Variants in CRACD observed in about 807,000 individuals in gnomAD.
CRACD encodes capping protein inhibiting regulator of actin dynamics, also known as capping protein-inhibiting regulator of actin dynamics.
A neutral mutation model predicts 106.8 loss-of-function variants in CRACD; 56 were observed. The observed-to-expected ratio is 0.52, with a 90% CI of 0.42 to 0.66. The LOEUF (loss-of-function observed/expected upper bound fraction) is 0.66. Ranked by LOEUF, CRACD falls within the 30% of genes least tolerant of loss-of-function variation. The pLI, the probability that CRACD is intolerant of heterozygous loss-of-function variation, is 0.00. For missense variants in CRACD, 1,730 were observed against 1,623.2 expected, an observed-to-expected ratio of 1.07 and a Z score of -1.13; for synonymous variants, 754 against 670.8, an observed-to-expected ratio of 1.12 and a Z score of -1.92.
intron 1 of CRACD, among the ~76,000 whole-genome samples, chr4:56,130,643 A>G (rs909229029): frequency 1.2e-4 from 18 of 152,210 alleles, no homozygotes; most frequent in Admixed American, 5.9e-4. Context: ...TTTGCATTCC[A>G]GCTTATCCAC....
At chr4:56,108,932 A>C (rs771149458) in intron 1 of CRACD, among the ~76,000 whole-genome samples, 4 of 152,222 alleles carry the variant, frequency 2.6e-5, no homozygotes, top group Admixed American at 6.5e-5. Context: ...GCACAGCACC[A>C]CAGGGAGGGG....
At chr4:56,113,311 T>C (rs1038591631) in intron 1 of CRACD, among the ~76,000 whole-genome samples, 2 of 152,202 alleles carry the variant, frequency 1.3e-5, no homozygotes, top group Non-Finnish European at 2.9e-5. Context: ...AGTGCTAAAA[T>C]AGAAGTCAGT....
chr4:56,151,389 C>T (rs114313859), intron 1 of CRACD, among the ~76,000 whole-genome samples: 1,932 of 152,108 alleles, frequency 0.013, 18 homozygotes, highest in Non-Finnish European at 0.021. Flanking sequence ...ATTATTATAA[C>T]GCATTGCCTT....
chr4:56,064,103 GT>G (rs1211177235), intron 1 of CRACD, among the ~76,000 whole-genome samples: 1 of 152,184 alleles, frequency 6.6e-6, no homozygotes, highest in Non-Finnish European at 1.5e-5. Context: ...GACTAATGAT[GT>G]TGGCATATTT....
intron 2 of CRACD, among the ~76,000 whole-genome samples, chr4:56,249,203 T>C (rs1366502481): frequency 6.7e-6 from 1 of 149,378 alleles, no homozygotes; most frequent in African/African-American, 2.5e-5. Flanking sequence ...AGTGTAAAAG[T>C]GTTCCTATTT....
At chr4:56,281,435 A>G (rs994133877) in intron 3 of CRACD, among the ~76,000 whole-genome samples, 3 of 152,066 alleles carry the variant, frequency 2.0e-5, no homozygotes, top group African/African-American at 7.2e-5. Context: ...CGATTCTTAG[A>G]GATACAATAT....
At chr4:56,229,411 C>G (rs1739486232) in intron 2 of CRACD, among the ~76,000 whole-genome samples, 1 of 152,188 alleles carries the variant, frequency 6.6e-6, no homozygotes, top group Admixed American at 6.5e-5. Flanking sequence ...TTGTGAGGAA[C>G]AGGGCTTTCG....
intron 2 of CRACD, among the ~76,000 whole-genome samples, chr4:56,214,327 G>A (rs905290414): frequency 2.6e-5 from 4 of 152,254 alleles, no homozygotes; most frequent in Admixed American, 2.0e-4. Context: ...GGGTGCGATG[G>A]CTTACGCCTA....
intron 3 of CRACD, 109 bp downstream of exon 3, chr4:56,272,601 C>G (rs1742421688): frequency 6.6e-6 from 1 of 152,456 alleles, no homozygotes; most frequent in South Asian, 2.1e-4. Flanking sequence ...AGAACAGAAT[C>G]CCAAACGGGG....
intron 2 of CRACD, among the ~76,000 whole-genome samples, chr4:56,225,644 A>T (rs1159358053): frequency 6.6e-6 from 1 of 152,178 alleles, no homozygotes; most frequent in African/African-American, 2.4e-5. Context: ...CTTATTATAA[A>T]GGGAAAAAAT....
At chr4:56,112,944 G>A (rs929290575) in intron 1 of CRACD, among the ~76,000 whole-genome samples, 9 of 151,398 alleles carry the variant, frequency 5.9e-5, no homozygotes, top group Non-Finnish European at 1.3e-4. Context: ...TTTTTGGTTT[G>A]AAAATATAAT....
chr4:56,151,755 G>A (rs941885597), intron 1 of CRACD, among the ~76,000 whole-genome samples: 4 of 151,886 alleles, frequency 2.6e-5, no homozygotes, highest in Non-Finnish European at 4.4e-5. Context: ...CTTTGACTGT[G>A]ATGACCTTCA....
intron 2 of CRACD, among the ~76,000 whole-genome samples, chr4:56,241,399 T>C (rs1323755227): frequency 6.6e-6 from 1 of 152,186 alleles, no homozygotes; most frequent in African/African-American, 2.4e-5. Flanking sequence ...CTTGCTCAAT[T>C]AATAAAGTCA....
At chr4:56,094,169 G>A (rs1733517612) in intron 1 of CRACD, among the ~76,000 whole-genome samples, 1 of 152,138 alleles carries the variant, frequency 6.6e-6, no homozygotes, top group Non-Finnish European at 1.5e-5. Flanking sequence ...AACTATTCAA[G>A]ATGCAATGAA....
intron 3 of CRACD, among the ~76,000 whole-genome samples, chr4:56,275,957 C>T (rs1050997615): frequency 6.6e-6 from 1 of 152,158 alleles, no homozygotes; most frequent in African/African-American, 2.4e-5. Flanking sequence ...ACTTTAACAT[C>T]CTGTCAAACT....
chr4:56,180,549 T>C (rs569442491), intron 2 of CRACD, among the ~76,000 whole-genome samples: 2 of 152,048 alleles, frequency 1.3e-5, no homozygotes, highest in Admixed American at 6.5e-5. Context: ...GATAGCATCA[T>C]ATCATTATTT....
At chr4:56,145,934 T>C (rs1735363110) in intron 1 of CRACD, among the ~76,000 whole-genome samples, 1 of 152,200 alleles carries the variant, frequency 6.6e-6, no homozygotes, top group African/African-American at 2.4e-5. Flanking sequence ...TATTTTTTCT[T>C]ACTTTTTTTT....
At chr4:56,119,563 G>T (rs1408180154) in intron 1 of CRACD, among the ~76,000 whole-genome samples, 1 of 151,712 alleles carries the variant, frequency 6.6e-6, no homozygotes. Flanking sequence ...TTGAACTCCT[G>T]GGCTCAAGTG....
intron 2 of CRACD, among the ~76,000 whole-genome samples, chr4:56,196,826 A>T (rs536831968): frequency 1.3e-4 from 20 of 152,318 alleles, no homozygotes; most frequent in African/African-American, 4.8e-4. Flanking sequence ...CAGAAAACTT[A>T]CTTTAAAATA....
Sources: gnomAD v4.1 joint callset for allele counts (sites outside exome capture counted in the v4.1 genomes callset) on GRCh38, gnomAD v4.1.1 for gene constraint, MANE v1.5 for transcripts, NCBI Gene and HGNC (gene_info 2026-07-23, HGNC 2026-07-21) for gene names.